Variants in CFAP47 observed in about 807,000 individuals in gnomAD.
CFAP47 encodes cilia and flagella associated protein 47.
Under a neutral mutation model 148.1 loss-of-function variants are expected in CFAP47, and 29 were observed. The ratio of observed to expected loss-of-function variants is 0.20; its 90% confidence interval spans 0.15 to 0.27. The LOEUF (loss-of-function observed/expected upper bound fraction) is 0.27, where lower values mean the gene tolerates loss of function less well. CFAP47 is among the 10% of genes least tolerant of loss of function. CFAP47 has a pLI of 1.00. For missense variants in CFAP47, 1,872 were observed against 1,697.5 expected (o/e 1.10, Z -1.81); for synonymous variants, 664 against 577.3 (o/e 1.15, Z -2.15).
chrX:35,923,018 T>G (rs1272946624), intron 1 of CFAP47, among the ~76,000 whole-genome samples: 1 of 111,446 alleles, frequency 9.0e-6, no homozygotes, highest in Non-Finnish European at 1.9e-5. Context: ...AATAATCATG[T>G]CCTCTCATGG....
At chrX:35,971,809 A>T in intron 12 of CFAP47, 37 bp downstream of exon 12, 1 of 1,185,838 alleles carries the variant, frequency 8.4e-7, no homozygotes. Context: ...ATTCCACGAG[A>T]ATTCTTAAAA....
At chrX:36,003,967 CTTTT>C (rs761024902) in intron 21 of CFAP47, among the ~76,000 whole-genome samples, 4 of 66,390 alleles carry the variant, frequency 6.0e-5, no homozygotes, top group African/African-American at 2.0e-4. Context: ...CTTTCTTTTT[CTTTT>C]TTTTTTTTTT....
chrX:35,979,652 C>T (rs773886319), intron 15 of CFAP47, among the ~76,000 whole-genome samples: 2 of 111,603 alleles, frequency 1.8e-5, no homozygotes, highest in Non-Finnish European at 3.8e-5. Flanking sequence ...CTGTACTGAT[C>T]ACATAGGAGA....
At chrX:36,368,904 A>G (rs782415677) in intron 62 of CFAP47, among the ~76,000 whole-genome samples, 41 of 111,199 alleles carry the variant, frequency 3.7e-4, no homozygotes, top group Non-Finnish European at 7.4e-4. Flanking sequence ...TAATATTGGG[A>G]GAGTAACTGT....
intron 57 of CFAP47, among the ~76,000 whole-genome samples, chrX:36,342,542 G>A (rs1301854067): frequency 9.0e-6 from 1 of 111,509 alleles, no homozygotes; most frequent in Non-Finnish European, 1.9e-5. Flanking sequence ...CAAACTTCTA[G>A]GAAATCCTGA....
At chrX:36,051,905 C>G (rs967459044) in intron 26 of CFAP47, among the ~76,000 whole-genome samples, 4 of 110,769 alleles carry the variant, frequency 3.6e-5, no homozygotes, top group Non-Finnish European at 5.7e-5. Flanking sequence ...TCTTGCTGTT[C>G]TCATGATAGT....
rs184614158 is a variant in CFAP47, at chrX:36,167,089, G to T, written c.6026+6320G>T. On this transcript the variant is annotated intron_variant, in intron 39 of 63. Transcript: ENST00000378653. ...TCTGACTCCAGGAGGACTTCTAGCA[G>T]TCTCCTTCACCAGTTCTCTCCAGCA... is the stretch of plus-strand genomic sequence containing the variant. Among the ~76,000 whole-genome samples, 80 of 111,787 alleles carry T rather than the reference G, an allele frequency of 7.2e-4. 1 individual carries two copies. The highest frequency in any genetic ancestry group is 1.9e-3 in the African/African-American group (60 of 30,777).
intron 62 of CFAP47, among the ~76,000 whole-genome samples, chrX:36,371,974 ATGTG>A (rs782809441): frequency 1.1e-5 from 1 of 91,646 alleles, no homozygotes; most frequent in African/African-American, 5.0e-5. Flanking sequence ...ACATGTGTAT[ATGTG>A]TGTGTATATA....
chrX:36,156,659 G>A (rs1263898409), intron 37 of CFAP47, among the ~76,000 whole-genome samples: 1 of 108,785 alleles, frequency 9.2e-6, no homozygotes, highest in Admixed American at 9.9e-5. Flanking sequence ...AAAGGCAATT[G>A]GAGCAAAAAA....
At chrX:36,112,784 T>A (rs1366798966) in intron 33 of CFAP47, among the ~76,000 whole-genome samples, 2 of 112,075 alleles carry the variant, frequency 1.8e-5, no homozygotes, top group Non-Finnish European at 3.8e-5. Flanking sequence ...TAGGTGCTCC[T>A]GTGTTGGGTG....
chrX:36,187,354 T>C lies in CFAP47; in HGVS notation c.6105-1266T>C, dbSNP rs1431219649. Among the ~76,000 whole-genome samples the C allele has an allele frequency of 1.1e-4, 12 of 112,065 alleles. No homozygotes were observed. The South Asian group carries it at 4.0e-3, about 38-fold the overall frequency. On this transcript the variant is annotated intron_variant, in intron 40 of 63. Transcript: ENST00000378653. ...ATAGGTAAAGACAAGGAAAAAGATA[T>C]GAAGCCCAAATTGGTCTGCTTTTCT...
At chrX:36,318,356 A>T (rs1414624000) in intron 56 of CFAP47, among the ~76,000 whole-genome samples, 1 of 111,695 alleles carries the variant, frequency 9.0e-6, no homozygotes, top group East Asian at 2.8e-4. Context: ...CATTGGATAA[A>T]TGTTGTTTAT....
intron 30 of CFAP47, among the ~76,000 whole-genome samples, chrX:36,092,292 A>C (rs1938199022): frequency 9.0e-6 from 1 of 111,342 alleles, no homozygotes; most frequent in Admixed American, 9.6e-5. Context: ...TACCTTACAC[A>C]AGCTTTCTAT....
chrX:36,092,552 T>C (rs1938204148), intron 30 of CFAP47, among the ~76,000 whole-genome samples: 1 of 111,130 alleles, frequency 9.0e-6, no homozygotes, highest in Non-Finnish European at 1.9e-5. Context: ...TCAAGTTCTC[T>C]AAAGAAAACA....
chrX:36,348,269 T>G lies in CFAP47; in HGVS notation c.8584T>G (p.Leu2862Val), dbSNP rs1941714889. The change falls in exon 58 of 64, where the codon TTG becomes GTG. Residue 2862 changes from leucine (L) to valine (V), a missense_variant. Leu to Val is a conservative substitution (Grantham distance 32). Coordinates refer to ENST00000378653, the MANE Select transcript of CFAP47 (RefSeq NM_001304548.2). ...KYWPIDNFDE[L>V]DIKFKSIVGI... is the part of the protein sequence containing the mutation. ...TTGGCCTATTGACAATTTTGATGAG[T>G]TGGATATAAAATTTAAAAGGTAACA... 2 of 1,022,489 alleles carry G rather than the reference T, an allele frequency of 2.0e-6. No individual in the cohort carries two copies. 84.3% of individuals were successfully genotyped at this position (1,022,489 alleles called of 1,213,427 possible). A position where few individuals can be genotyped will look rare whatever the true frequency, so the allele number is the denominator to read the frequency against.
intron 50 of CFAP47, among the ~76,000 whole-genome samples, chrX:36,282,301 C>A (rs781785255): frequency 9.0e-6 from 1 of 110,505 alleles, no homozygotes; most frequent in Non-Finnish European, 1.9e-5. Context: ...AAAGTTAAAT[C>A]CTCATTAATA....
Position 36,073,151 on chromosome X carries a change from T to C in CFAP47, c.4478T>C (p.Leu1493Pro), listed in dbSNP as rs1213666801. The change falls in exon 29 of 64, where the codon CTG (leucine) becomes CCG (proline). Residue 1493 changes from leucine to proline, a missense_variant. Leu to Pro is a moderately conservative substitution (Grantham distance 98). Coordinates refer to ENST00000378653, the MANE Select transcript of CFAP47 (RefSeq NM_001304548.2). ...ATTTTAATTTTAGGAGTGGAAGTAC[T>C]GCCTGAAAATTTGCACTTGGATGAA... Reference protein sequence around the residue: ...KGNLFIGVEVLPENLHLDESE... With the variant: ...KGNLFIGVEVPPENLHLDESE... 8.3e-7 allele frequency: 1 copy of C among 1,206,078 alleles called. No homozygotes were observed. Among genetic ancestry groups the C allele is most frequent in the Admixed American group, 2.2e-5 (1 of 45,935 alleles).
intron 26 of CFAP47, among the ~76,000 whole-genome samples, chrX:36,060,533 A>G (rs1417532255): frequency 8.9e-6 from 1 of 111,935 alleles, no homozygotes; most frequent in African/African-American, 3.2e-5. Flanking sequence ...AAAAGAATTA[A>G]TATACACCTA....
At chrX:36,240,093 C>CAAAACAACA (rs1379209642) in intron 48 of CFAP47, among the ~76,000 whole-genome samples, 1 of 111,344 alleles carries the variant, frequency 9.0e-6, no homozygotes, top group African/African-American at 3.3e-5. Context: ...CATAAAAGAA[C>CAAAACAACA]AAAACAACAA....
Sources: gnomAD v4.1 joint callset for allele counts (sites outside exome capture counted in the v4.1 genomes callset) on GRCh38, gnomAD v4.1.1 for gene constraint, MANE v1.5 for transcripts, NCBI Gene and HGNC (gene_info 2026-07-23, HGNC 2026-07-21) for gene names.